Variants in RNASE1 observed in about 807,000 individuals in gnomAD.
The protein encoded by RNASE1 is ribonuclease pancreatic.
For synonymous variants in RNASE1, 64 were observed against 78.6 expected (o/e 0.81, Z 0.98); for missense variants, 203 against 201.0 (o/e 1.01, Z -0.06).
At chr14:20,802,569 C>T (rs941516903) in intron 1 of RNASE1, among the ~76,000 whole-genome samples, 3 of 152,140 alleles carry the variant, frequency 2.0e-5, no homozygotes, top group African/African-American at 7.2e-5. Flanking sequence ...CAGAGAGAAA[C>T]GCTGGCCTCC....
chr14:20,801,603 T>C lies in RNASE1; in HGVS notation c.466A>G (p.Thr156Ala), dbSNP rs1360978318. 1 of 1,611,796 alleles carries C rather than the reference T, an allele frequency of 6.2e-7. No homozygotes were observed. The highest frequency in any genetic ancestry group is 8.5e-7 in the Non-Finnish European group (1 of 1,178,188). ...GGTATCTCGCTGCTCTGACCTTAGG[T>C]AGAGTCCTCCACAGAAGCATCAAAG... ...VHFDASVEDS[T>A] The change falls in exon 2 of 2, where the codon ACC (threonine) becomes GCC (alanine). Residue 156 changes from threonine to alanine, a missense_variant. Coordinates refer to ENST00000397967, the MANE Select transcript of RNASE1 (RefSeq NM_002933.5).
At position 20,802,077 on chromosome 14, in the gene RNASE1, C is replaced by T. The variant is rs1435469983; in HGVS notation, c.-9G>A. 1 of 1,569,082 alleles carries T rather than the reference C, an allele frequency of 6.4e-7. No homozygotes were observed. Among genetic ancestry groups the T allele is most frequent in the East Asian group, 2.3e-5 (1 of 44,338 alleles). ...GACTTCTCCAGAGCCATGGTGGCCTCACTTTCCCAGAAAAGCCTAATTGAG... is the reference window on the plus strand; with the variant it reads ...GACTTCTCCAGAGCCATGGTGGCCTTACTTTCCCAGAAAAGCCTAATTGAG... On this transcript the variant is annotated 5_prime_UTR_variant, in exon 2 of 2. Coordinates refer to ENST00000397967, the MANE Select transcript of RNASE1 (RefSeq NM_002933.5).
rs1879382598 is a variant in RNASE1, at chr14:20,801,477, T to G, written c.*121A>C. 2.4e-6 allele frequency: 2 copies of G among 823,116 alleles called. No homozygotes were observed. The highest frequency in any genetic ancestry group is 3.9e-6 in the Non-Finnish European group (2 of 508,546). The allele number at this position is 823,116 out of a possible 1,614,324, so 51.0% of individuals were successfully genotyped here. On this transcript the variant is annotated 3_prime_UTR_variant, in exon 2 of 2. Coordinates refer to ENST00000397967, the MANE Select transcript of RNASE1 (RefSeq NM_002933.5). ...GGATGGGACTCAGGAAAGGGAAGCATGTGTGTGTTGAATAGGAGCCCTAAC... is the reference window on the plus strand; with the variant it reads ...GGATGGGACTCAGGAAAGGGAAGCAGGTGTGTGTTGAATAGGAGCCCTAAC...
Position 20,801,467 on chromosome 14 carries a change from A to G in RNASE1, c.*131T>C. On this transcript the variant is annotated 3_prime_UTR_variant, in exon 2 of 2. Coordinates refer to ENST00000397967, the MANE Select transcript of RNASE1 (RefSeq NM_002933.5). ...AATCACGCAGGGATGGGACTCAGGA[A>G]AGGGAAGCATGTGTGTGTTGAATAG... 1 of 773,472 alleles carries G rather than the reference A, an allele frequency of 1.3e-6. No individual in the cohort carries two copies. Among genetic ancestry groups the G allele is most frequent in the Non-Finnish European group, 2.1e-6 (1 of 472,110 alleles). The allele number at this position is 773,472 out of a possible 1,614,324, so 47.9% of individuals were successfully genotyped here. A position where few individuals can be genotyped will look rare whatever the true frequency, so the allele number is the denominator to read the frequency against.
chr14:20,802,302 T>G (rs1879442331), intron 1 of RNASE1: 4 of 509,328 alleles, frequency 7.9e-6, no homozygotes, highest in Non-Finnish European at 1.4e-5. Context: ...GAGGTCTTCC[T>G]CCCCTCTAGG....
Position 20,801,345 on chromosome 14 carries a change from C to A in RNASE1, c.*253G>T. On this transcript the variant is annotated 3_prime_UTR_variant, in exon 2 of 2. Coordinates refer to ENST00000397967, the MANE Select transcript of RNASE1 (RefSeq NM_002933.5). ...GCCAGAAACAGTACCTAGACAGAAC[C>A]GCTTCAGAAATCAGGTGTTTGCAAC... 1 of 532,952 alleles carries A rather than the reference C, an allele frequency of 1.9e-6. No individual in the cohort carries two copies. The highest frequency in any genetic ancestry group is 3.4e-6 in the Non-Finnish European group (1 of 296,106). The allele number at this position is 532,952 out of a possible 1,614,324, so 33.0% of individuals were successfully genotyped here.
At position 20,801,571 on chromosome 14, in the gene RNASE1, G is replaced by C. The variant is rs971875963; in HGVS notation, c.*27C>G. 7 of 1,582,946 alleles carry C rather than the reference G, an allele frequency of 4.4e-6. No homozygotes were observed. The African/African-American group carries it at 5.4e-5, about 12-fold the overall frequency. ...AGCTGTGGAGAGGATGAGGTTGAGG[G>C]AGGTGGGGTATCTCGCTGCTCTGAC... On this transcript the variant is annotated 3_prime_UTR_variant, in exon 2 of 2. Coordinates refer to ENST00000397967, the MANE Select transcript of RNASE1 (RefSeq NM_002933.5).
At chr14:20,802,286 C>A in intron 1 of RNASE1, 193 bp from the exon 2 acceptor site, 1 of 530,334 alleles carries the variant, frequency 1.9e-6, no homozygotes, top group Non-Finnish European at 3.4e-6. Context: ...TCCCACTCTC[C>A]AAAGCGAGGT....
chr14:20,801,640 A>G lies in RNASE1; in HGVS notation c.429T>C (p.Tyr143=), dbSNP rs1879395390. Residue 143 remains tyrosine, a synonymous_variant, in exon 2 of 2, where the codon TAT becomes TAC. Transcript: ENST00000397967. ...HIIVACEGSP[Y]VPVHFDASVE... ...CAGAAGCATCAAAGTGGACTGGCAC[A>G]TATGGGCTCCCTTCACAGGCCACAA... The G allele has an allele frequency of 6.2e-7, 1 of 1,614,072 alleles. No individual in the cohort carries two copies. Among genetic ancestry groups the G allele is most frequent in the African/African-American group, 1.3e-5 (1 of 74,914 alleles).
Position 20,801,928 on chromosome 14 carries a change from G to GTACAGTA in RNASE1, c.140_141insTACTGTA (p.Ser48ThrfsTer10), listed in dbSNP as rs1424706696. On this transcript the variant is annotated frameshift_variant, in exon 2 of 2. Coordinates refer to ENST00000397967, the MANE Select transcript of RNASE1 (RefSeq NM_002933.5). LOFTEE classifies it low-confidence loss of function (END_TRUNC). Reference sequence around the variant, plus strand: ...GGTTACAGTAGGTGGAGCTGCTGCTGGGGGAACTGTCTGAGTCCATATGCT... The same window carrying GTACAGTA: ...GGTTACAGTAGGTGGAGCTGCTGCTGTACAGTAGGGGAACTGTCTGAGTCCATATGCT... 1 of 1,613,876 alleles carries GTACAGTA rather than the reference G, an allele frequency of 6.2e-7. No homozygotes were observed. The highest frequency in any genetic ancestry group is 1.3e-5 in the African/African-American group (1 of 74,904).
At position 20,801,591 on chromosome 14, in the gene RNASE1, T is replaced by C; in HGVS notation, c.*7A>G. The stretch of plus-strand genomic sequence containing the variant: ...TGAGGGAGGTGGGGTATCTCGCTGC[T>C]CTGACCTTAGGTAGAGTCCTCCACA... On this transcript the variant is annotated 3_prime_UTR_variant, in exon 2 of 2. Coordinates refer to ENST00000397967, the MANE Select transcript of RNASE1 (RefSeq NM_002933.5). 1 of 1,607,892 alleles carries C rather than the reference T, an allele frequency of 6.2e-7. No individual in the cohort carries two copies. The highest frequency in any genetic ancestry group is 8.5e-7 in the Non-Finnish European group (1 of 1,174,882).
Position 20,801,481 on chromosome 14 carries a change from T to C in RNASE1, c.*117A>G. 1.2e-6 allele frequency: 1 copy of C among 838,842 alleles called. No homozygotes were observed. Among genetic ancestry groups the C allele is most frequent in the Non-Finnish European group, 1.9e-6 (1 of 520,844 alleles). The allele number at this position is 838,842 out of a possible 1,614,324, so 52.0% of individuals were successfully genotyped here. ...GGGACTCAGGAAAGGGAAGCATGTGTGTGTTGAATAGGAGCCCTAACTGTA... is the reference window on the plus strand; with the variant it reads ...GGGACTCAGGAAAGGGAAGCATGTGCGTGTTGAATAGGAGCCCTAACTGTA... On this transcript the variant is annotated 3_prime_UTR_variant, in exon 2 of 2. Coordinates refer to ENST00000397967, the MANE Select transcript of RNASE1 (RefSeq NM_002933.5).
chr14:20,802,244 C>A, intron 1 of RNASE1, 151 bp from the exon 2 acceptor site: 1 of 596,650 alleles, frequency 1.7e-6, no homozygotes, highest in Non-Finnish European at 2.9e-6. Context: ...TAATGAGACA[C>A]TCACGTGTAC....
At position 20,801,761 on chromosome 14, in the gene RNASE1, C is replaced by T. The variant is rs1292014679; in HGVS notation, c.308G>A (p.Ser103Asn). ...CKNGQGNCYK[S>N]NSSMHITDCR... The stretch of plus-strand genomic sequence containing the variant: ...GTCTGTGATGTGCATGCTGGAGTTG[C>T]TCTTGTAGCAGTTGCCCTGCCCGTT... The change falls in exon 2 of 2, where the codon AGC becomes AAC. Residue 103 changes from serine (S) to asparagine (N), a missense_variant. By Grantham distance (46) the Ser-to-Asn change is conservative. Transcript: ENST00000397967. 6.2e-6 allele frequency: 10 copies of T among 1,614,070 alleles called. No individual in the cohort carries two copies. Among genetic ancestry groups the T allele is most frequent in the African/African-American group, 4.0e-5 (3 of 74,918 alleles).
intron 1 of RNASE1, chr14:20,802,297 C>A: frequency 1.9e-6 from 1 of 518,232 alleles, no homozygotes; most frequent in Non-Finnish European, 3.4e-6. Context: ...AAAGCGAGGT[C>A]TTCCTCCCCT....
In RNASE1 at chr14:20,801,772, G is replaced by C. The variant is rs760999334; in HGVS notation, c.297C>G (p.Asn99Lys). The change falls in exon 2 of 2, where the codon AAC (asparagine) becomes AAG (lysine). Residue 99 changes from asparagine (N) to lysine (K), a missense_variant. Transcript: ENST00000397967. ...EKVTCKNGQGNCYKSNSSMHI... is the reference protein window; with the variant it reads ...EKVTCKNGQGKCYKSNSSMHI... ...GCATGCTGGAGTTGCTCTTGTAGCA[G>C]TTGCCCTGCCCGTTCTTGCAGGTGA... 56 of 1,614,086 alleles carry C rather than the reference G, an allele frequency of 3.5e-5. No homozygotes were observed. Among genetic ancestry groups the C allele is most frequent in the Non-Finnish European group, 4.5e-5 (53 of 1,180,032 alleles).
Position 20,801,350 on chromosome 14 carries a change from C to A in RNASE1, c.*248G>T. ...AAACAGTACCTAGACAGAACCGCTTCAGAAATCAGGTGTTTGCAACTGCGT... is the reference window on the plus strand; with the variant it reads ...AAACAGTACCTAGACAGAACCGCTTAAGAAATCAGGTGTTTGCAACTGCGT... On this transcript the variant is annotated 3_prime_UTR_variant, in exon 2 of 2. Transcript: ENST00000397967. 1.8e-6 allele frequency: 1 copy of A among 543,392 alleles called. No homozygotes were observed. The highest frequency in any genetic ancestry group is 3.0e-5 in the East Asian group (1 of 32,914). 33.7% of individuals were successfully genotyped at this position (543,392 alleles called of 1,614,324 possible).
chr14:20,802,634 G>A (rs1456156195), intron 1 of RNASE1, among the ~76,000 whole-genome samples, 163 bp downstream of exon 1: 2 of 152,262 alleles, frequency 1.3e-5, no homozygotes, highest in South Asian at 4.1e-4. Flanking sequence ...CAGCCTGCAC[G>A]TTCCACCCTG....
chr14:20,802,054 C>T lies in RNASE1; in HGVS notation c.15G>A (p.Lys5=), dbSNP rs760230338. The change falls in exon 2 of 2, where the codon AAG becomes AAA. Residue 5 remains lysine (K), a synonymous_variant. Transcript: ENST00000397967. MALE[K]SLVRLLLLVL... ...CAAGCAGAAGGAGCCGGACAAGAGA[C>T]TTCTCCAGAGCCATGGTGGCCTCAC... 5.0e-6 allele frequency: 8 copies of T among 1,600,010 alleles called. No individual in the cohort carries two copies. The South Asian group carries it at 7.7e-5, about 15-fold the overall frequency.
Sources: allele counts gnomAD v4.1 joint callset (sites outside exome capture counted in the v4.1 genomes callset), GRCh38; gene constraint gnomAD v4.1.1; transcripts MANE v1.5; gene names NCBI Gene and HGNC (gene_info 2026-07-23, HGNC 2026-07-21).